USP7: variants seen among roughly 807,000 people sequenced by gnomAD.
USP7 encodes the protein ubiquitin specific peptidase 7, also known as ubiquitin C-terminal hydrolase 7.
Under a neutral mutation model 162.9 loss-of-function variants are expected in USP7, and 9 were observed. The ratio of observed to expected loss-of-function variants is 0.06; its 90% CI spans 0.03 to 0.10. The LOEUF (loss-of-function observed/expected upper bound fraction) is 0.10. Among genes scored for constraint, USP7 ranks in the 10% least tolerant of loss-of-function variants. USP7 has a pLI of 1.00. For missense variants in USP7, 715 were observed against 1,373.7 expected, an observed-to-expected ratio of 0.52 and a Z score of 7.58; for synonymous variants, 562 against 475.9, an observed-to-expected ratio of 1.18 and a Z score of -2.35.
chr16:8,903,416 T>C lies in USP7; in HGVS notation c.1705-14A>G. 3.7e-6 allele frequency: 6 copies of C among 1,611,034 alleles called. No individual in the cohort carries two copies. Among genetic ancestry groups the C allele is most frequent in the Non-Finnish European group, 5.1e-6 (6 of 1,177,932 alleles). The stretch of plus-strand genomic sequence containing the variant: ...CTCTGCGACTATCTGAAAATATGTA[T>C]GAAAGCACAGAAAAGACTTGACAAC... On this transcript the variant is annotated splice_polypyrimidine_tract_variant and intron_variant, in intron 15 of 30. Transcript: ENST00000344836.
chr16:8,896,794 C>T (rs2061687767), intron 26 of USP7, among the ~76,000 whole-genome samples: 1 of 152,172 alleles, frequency 6.6e-6, no homozygotes, highest in Non-Finnish European at 1.5e-5. Flanking sequence ...TTGAGGGTTA[C>T]CCCTGAGACT....
At chr16:8,906,319 G>A in intron 13 of USP7, 107 bp downstream of exon 13, 1 of 1,335,710 alleles carries the variant, frequency 7.5e-7, no homozygotes, top group Non-Finnish European at 1.0e-6. Flanking sequence ...ACATAGATCA[G>A]TTAGGGGTCC....
Position 8,894,557 on chromosome 16 carries a change from T to C in USP7, c.3195A>G (p.Pro1065=), listed in dbSNP as rs1226581219. ...GGGGGGGAGAACCCTTACCGGGCTG[T>C]GGCTCAAAGTCTTTCAAATTTACTT... ...EYEVNLKDFE[P]QPGNMSHPRP... The change falls in exon 30 of 31, where the codon CCA becomes CCG. Residue 1065 remains proline (P), a synonymous_variant. Transcript: ENST00000344836. 6.2e-7 allele frequency: 1 copy of C among 1,612,218 alleles called. No individual in the cohort carries two copies.
intron 2 of USP7, among the ~76,000 whole-genome samples, chr16:8,925,958 T>C (rs1897964682): frequency 6.7e-6 from 1 of 148,448 alleles, no homozygotes; most frequent in Admixed American, 6.8e-5. Context: ...ATCGAGACCA[T>C]CCTGGCTAAC....
rs758589839 is a variant in USP7, at chr16:8,923,369, G to A, written c.229C>T (p.Arg77Cys). 6 of 1,614,056 alleles carry A rather than the reference G, an allele frequency of 3.7e-6. No individual in the cohort carries two copies. The highest frequency in any genetic ancestry group is 5.1e-6 in the Non-Finnish European group (6 of 1,180,054). The change falls in exon 3 of 31, where the codon CGC (arginine) becomes TGC (cysteine). Residue 77 changes from arginine to cysteine, a missense_variant. Transcript: ENST00000344836. ...ACCGACTCACTCAGTCTGCTGAAGCGCTCCACAGTGAACTGAAAGGTTGCC... is the reference window on the plus strand; with the variant it reads ...ACCGACTCACTCAGTCTGCTGAAGCACTCCACAGTGAACTGAAAGGTTGCC... ...SEATFQFTVE[R>C]FSRLSESVLS... is the part of the protein sequence containing the mutation.
chr16:8,961,318 C>T (rs1330279723), intron 1 of USP7, among the ~76,000 whole-genome samples: 1 of 151,924 alleles, frequency 6.6e-6, no homozygotes, highest in African/African-American at 2.4e-5. Flanking sequence ...CATGGAGAAA[C>T]CCCGTCTCTA....
At chr16:8,948,275 T>C (rs1377935418) in intron 1 of USP7, among the ~76,000 whole-genome samples, 7 of 152,162 alleles carry the variant, frequency 4.6e-5, no homozygotes, top group Admixed American at 2.0e-4. Context: ...CTCAACTTCC[T>C]GGGCTCAAGC....
At chr16:8,894,743 C>A in intron 29 of USP7, 41 bp downstream of exon 29, 2 of 1,614,050 alleles carry the variant, frequency 1.2e-6, no homozygotes, top group South Asian at 1.1e-5. Context: ...AAGGCTTGAG[C>A]CTATGGCCCG....
At position 8,894,980 on chromosome 16, in the gene USP7, C is replaced by G. The variant is rs780755061; in HGVS notation, c.3039+51G>C. On this transcript the variant is annotated intron_variant, in intron 28 of 30. Coordinates refer to ENST00000344836, the MANE Select transcript of USP7 (RefSeq NM_003470.3). ...CGCAGATTCGGCAACAGCGGCCACT[C>G]AAAGGCTCCAGGTTTTGACGTGAGC... 16 of 1,613,564 alleles carry G rather than the reference C, an allele frequency of 9.9e-6. No individual in the cohort carries two copies. In the African/African-American group the frequency reaches 2.0e-4, roughly 20 times the overall value.
chr16:8,959,640 CG>C (rs1174490523), intron 1 of USP7, among the ~76,000 whole-genome samples: 4 of 152,182 alleles, frequency 2.6e-5, no homozygotes, highest in African/African-American at 9.7e-5. Context: ...TCAACACTCT[CG>C]AATTATTTGA....
At chr16:8,951,254 T>TAA (rs1899533181) in intron 1 of USP7, among the ~76,000 whole-genome samples, 1 of 152,294 alleles carries the variant, frequency 6.6e-6, no homozygotes, top group Admixed American at 6.5e-5. Context: ...TATATATATT[T>TAA]AATCTTTAAA....
chr16:8,934,288 G>C (rs1042001979), intron 1 of USP7, among the ~76,000 whole-genome samples: 7 of 152,110 alleles, frequency 4.6e-5, no homozygotes, highest in African/African-American at 1.7e-4. Flanking sequence ...GTAATTCTGA[G>C]GTACAGGTTA....
intron 10 of USP7, among the ~76,000 whole-genome samples, chr16:8,912,467 G>GA (rs2061962806): frequency 6.8e-6 from 1 of 148,094 alleles, no homozygotes; most frequent in South Asian, 2.1e-4. Context: ...AAAAAAGAAA[G>GA]AAAAAAGAAA....
At chr16:8,956,776 C>CAAAAA (rs375578803) in intron 1 of USP7, among the ~76,000 whole-genome samples, 11 of 147,654 alleles carry the variant, frequency 7.4e-5, no homozygotes, top group Admixed American at 1.4e-4. Flanking sequence ...AAAACAAAAA[C>CAAAAA]AAAAAAAAAA....
chr16:8,926,517 G>C (rs1443922373), intron 2 of USP7, among the ~76,000 whole-genome samples: 1 of 152,154 alleles, frequency 6.6e-6, no homozygotes, highest in Non-Finnish European at 1.5e-5. Flanking sequence ...CAAAAAAAAG[G>C]AGAAGTGGAC....
chr16:8,927,731 G>C (rs1331766792), intron 2 of USP7, among the ~76,000 whole-genome samples: 1 of 152,204 alleles, frequency 6.6e-6, no homozygotes, highest in East Asian at 1.9e-4. Flanking sequence ...AGCTACTCGG[G>C]AGGCTGAGGC....
chr16:8,910,881 C>T, intron 10 of USP7, 54 bp from the exon 11 acceptor site: 1 of 1,413,698 alleles, frequency 7.1e-7, no homozygotes, highest in Non-Finnish European at 1.0e-6. Context: ...TATAATGTAG[C>T]CAACACAGGT....
intron 1 of USP7, among the ~76,000 whole-genome samples, chr16:8,956,584 G>T (rs1319605403): frequency 5.9e-5 from 9 of 152,110 alleles, no homozygotes; most frequent in African/African-American, 2.2e-4. Flanking sequence ...GGGCAACATG[G>T]TGAAACGCCA....
intron 1 of USP7, among the ~76,000 whole-genome samples, chr16:8,930,945 G>C (rs2141231315): frequency 6.7e-6 from 1 of 149,982 alleles, no homozygotes; most frequent in Admixed American, 6.7e-5. Context: ...CTCCAGCCTG[G>C]CCGTCAGGGT....
Sources: gnomAD v4.1 joint callset for allele counts (sites outside exome capture counted in the v4.1 genomes callset) on GRCh38, gnomAD v4.1.1 for gene constraint, MANE v1.5 for transcripts, NCBI Gene and HGNC (gene_info 2026-07-23, HGNC 2026-07-21) for gene names.